FHL1: variants seen among roughly 807,000 people sequenced by gnomAD.
FHL1 encodes four and a half LIM domains 1, also known as four and a half LIM domains protein 1.
A neutral mutation model predicts 20.3 loss-of-function variants in FHL1; 1 was observed. The ratio of observed to expected loss-of-function variants is 0.05; its 90% CI spans 0.02 to 0.23. The LOEUF is 0.23. Ranked by LOEUF, FHL1 falls within the 10% of genes least tolerant of loss-of-function variation. The pLI, the probability that FHL1 is intolerant of heterozygous loss-of-function variation, is 1.00. For synonymous variants in FHL1, 82 were observed against 88.9 expected (o/e 0.92, Z 0.44); for missense variants, 177 against 234.0 (o/e 0.76, Z 1.59).
At position 136,210,994 on chromosome X, in the gene FHL1, T is replaced by G. The variant is rs1603274394; in HGVS notation, c.*969T>G. The G allele has an allele frequency of 5.3e-6, 2 of 374,921 alleles. No individual in the cohort carries two copies. The highest frequency in any genetic ancestry group is 3.0e-5 in the Admixed American group (1 of 33,519). The allele number at this position is 374,921 out of a possible 1,213,427, so 30.9% of individuals were successfully genotyped here. On this transcript the variant is annotated 3_prime_UTR_variant, in exon 6 of 6. Transcript: ENST00000370683. ...GCTGTCATCAACATGGATATGACAT[T>G]TCACAACAGTGACTAGTTGAATCCC... is the stretch of plus-strand genomic sequence containing the variant.
Position 136,207,034 on chromosome X carries a change from C to G in FHL1, c.223C>G (p.Arg75Gly). The G allele has an allele frequency of 8.3e-7, 1 of 1,211,233 alleles. No individual in the cohort carries two copies. Among genetic ancestry groups the G allele is most frequent in the Non-Finnish European group, 1.1e-6 (1 of 895,484 alleles). Reference sequence around the variant, plus strand: ...TTTCCAGGAGGTGCACTATAAGAACCGCTTCTGGCATGACACCTGCTTCCG... The same window carrying G: ...TTTCCAGGAGGTGCACTATAAGAACGGCTTCTGGCATGACACCTGCTTCCG... Reference protein sequence around the residue: ...ADSKEVHYKNRFWHDTCFRCA... With the variant: ...ADSKEVHYKNGFWHDTCFRCA... The change falls in exon 3 of 6, where the codon CGC (arginine) becomes GGC (glycine). Residue 75 changes from arginine (R) to glycine (G), a missense_variant. Coordinates refer to ENST00000370683, the MANE Select transcript of FHL1 (RefSeq NM_001159699.2).
At chrX:136,183,342 C>T (rs2073211125) in intron 2 of FHL1, among the ~76,000 whole-genome samples, 1 of 111,251 alleles carries the variant, frequency 9.0e-6, no homozygotes, top group Non-Finnish European at 1.9e-5. Flanking sequence ...GAATAACATG[C>T]ACTTTGGTCT....
chrX:136,156,499 C>G (rs947493692), intron 1 of FHL1, among the ~76,000 whole-genome samples: 1 of 111,055 alleles, frequency 9.0e-6, no homozygotes, highest in Non-Finnish European at 1.9e-5. Context: ...TCAGGCTGAT[C>G]TCGAACTCCT....
At chrX:136,150,200 C>A (rs897532970) in intron 1 of FHL1, among the ~76,000 whole-genome samples, 3 of 112,142 alleles carry the variant, frequency 2.7e-5, no homozygotes, top group Non-Finnish European at 5.6e-5. Flanking sequence ...TTTGCTGATA[C>A]GCATTTGAAA....
intron 2 of FHL1, 96 bp downstream of exon 2, chrX:136,206,684 C>G: frequency 9.2e-7 from 1 of 1,081,776 alleles, no homozygotes. Flanking sequence ...TAGGATTTCC[C>G]AGCATCACTG....
chrX:136,209,778 C>G (rs1455444263), intron 5 of FHL1, 93 bp from the exon 6 acceptor site: 4 of 1,028,458 alleles, frequency 3.9e-6, no homozygotes, highest in Non-Finnish European at 5.3e-6. Flanking sequence ...TGGGGCAGGT[C>G]GTCATTTTAT....
intron 1 of FHL1, among the ~76,000 whole-genome samples, chrX:136,151,544 T>C (rs1223346054): frequency 9.0e-6 from 1 of 111,531 alleles, no homozygotes; most frequent in Non-Finnish European, 1.9e-5. Flanking sequence ...AAATCCTGTC[T>C]CTACTAAAAA....
intron 2 of FHL1, among the ~76,000 whole-genome samples, chrX:136,182,036 T>C (rs753371347): frequency 8.9e-6 from 1 of 112,378 alleles, no homozygotes; most frequent in South Asian, 3.7e-4. Context: ...GCCCCAGTTT[T>C]GGAAAAAATT....
intron 1 of FHL1, among the ~76,000 whole-genome samples, chrX:136,156,278 A>G (rs1044051280): frequency 1.8e-4 from 19 of 106,793 alleles, no homozygotes; most frequent in African/African-American, 4.9e-4. Context: ...TAAATGTTCT[A>G]TAGCCTTTTT....
chrX:136,177,290 C>G (rs906597586), intron 2 of FHL1, among the ~76,000 whole-genome samples: 1 of 111,278 alleles, frequency 9.0e-6, no homozygotes, highest in Non-Finnish European at 1.9e-5. Flanking sequence ...CCATGGAAGT[C>G]CACAATAAAG....
At chrX:136,191,567 C>A (rs1164853741) in intron 2 of FHL1, among the ~76,000 whole-genome samples, 1 of 111,804 alleles carries the variant, frequency 8.9e-6, no homozygotes, top group African/African-American at 3.3e-5. Flanking sequence ...GTCTTTTCAA[C>A]CTTTACCTTG....
chrX:136,159,977 T>C (rs755993869), intron 1 of FHL1, among the ~76,000 whole-genome samples: 252 of 112,694 alleles, frequency 2.2e-3, no homozygotes, highest in African/African-American at 7.8e-3. Context: ...TGTAGAAGCA[T>C]AGGCCCAATG....
intron 1 of FHL1, among the ~76,000 whole-genome samples, chrX:136,154,793 G>A (rs5930883): frequency 0.28 from 30,350 of 107,954 alleles, 4,171 homozygotes; most frequent in Non-Finnish European, 0.41. Context: ...TGCAACCTCC[G>A]CCTCCTAGCA....
chrX:136,183,364 A>G (rs190299265), intron 2 of FHL1, among the ~76,000 whole-genome samples: 1 of 111,469 alleles, frequency 9.0e-6, no homozygotes, highest in East Asian at 2.8e-4. Flanking sequence ...GGAAGAAACC[A>G]TTAGGTTGCA....
chrX:136,199,247 T>C (rs947353586), intron 1 of FHL1, among the ~76,000 whole-genome samples: 3 of 111,677 alleles, frequency 2.7e-5, no homozygotes, highest in African/African-American at 9.8e-5. Flanking sequence ...GCACATAATT[T>C]TTCTTTTAAT....
upstream of FHL1, chrX:136,196,963 T>A (rs889613404): frequency 1.1e-5 from 11 of 1,041,185 alleles, no homozygotes; most frequent in Admixed American, 2.6e-4. Context: ...AAGGTTGTGA[T>A]CTCTGGGGAG....
At chrX:136,196,892 A>C, upstream of FHL1, 1 of 1,140,584 alleles carries the variant, frequency 8.8e-7, no homozygotes, top group East Asian at 3.3e-5. Context: ...TGGTATTTTT[A>C]CTGGGTCCTA....
intron 2 of FHL1, among the ~76,000 whole-genome samples, chrX:136,180,646 A>G (rs1323278682): frequency 1.8e-5 from 2 of 112,994 alleles, no homozygotes; most frequent in Non-Finnish European, 3.7e-5. Flanking sequence ...TTTTAAAAAC[A>G]CTAATAAGAA....
At chrX:136,189,800 C>G (rs1258533935) in intron 2 of FHL1, among the ~76,000 whole-genome samples, 2 of 111,775 alleles carry the variant, frequency 1.8e-5, no homozygotes, top group Non-Finnish European at 3.8e-5. Context: ...AGTCTGTGCT[C>G]TTAGCCACTG....
Sources: allele counts gnomAD v4.1 joint callset (sites outside exome capture counted in the v4.1 genomes callset), GRCh38; gene constraint gnomAD v4.1.1; transcripts MANE v1.5; gene names NCBI Gene and HGNC (gene_info 2026-07-23, HGNC 2026-07-21).